Variants in DVL3 observed in about 807,000 individuals in gnomAD.
DVL3 encodes the protein dishevelled segment polarity protein 3.
In DVL3, 27 loss-of-function variants were observed where a neutral mutation model predicts 67.4. The observed-to-expected ratio is 0.40, with a 90% CI of 0.30 to 0.55. DVL3 has a LOEUF of 0.55. Among genes scored for constraint, DVL3 ranks in the 20% least tolerant of loss-of-function variants. The pLI, the probability that DVL3 is intolerant of heterozygous loss-of-function variation, is 0.46. For synonymous variants in DVL3, 369 were observed against 396.8 expected (o/e 0.93, Z 0.83); for missense variants, 819 against 1,021.5 (o/e 0.80, Z 2.70).
At position 184,163,946 on chromosome 3, in the gene DVL3, A is replaced by C. The variant is rs1714470191; in HGVS notation, c.231+220A>C. ...AGGGAGAGACGGAAACACACAGTGGAGACAGTAACGTTTCCTATGCCGTTC... is the reference window on the plus strand; with the variant it reads ...AGGGAGAGACGGAAACACACAGTGGCGACAGTAACGTTTCCTATGCCGTTC... On this transcript the variant is annotated intron_variant, in intron 2 of 14. Transcript: ENST00000313143. The surrounding 1 kb of genome is among the most constrained non-coding windows in gnomAD (Gnocchi z 4.5). Among the ~76,000 whole-genome samples, 1 of 152,158 alleles carries C rather than the reference A, an allele frequency of 6.6e-6. No individual in the cohort carries two copies. Among genetic ancestry groups the C allele is most frequent in the African/African-American group, 2.4e-5 (1 of 41,420 alleles).
At position 184,165,344 on chromosome 3, in the gene DVL3, A is replaced by G; in HGVS notation, c.694-78A>G. 6.4e-7 allele frequency: 1 copy of G among 1,554,578 alleles called. No homozygotes were observed. Among genetic ancestry groups the G allele is most frequent in the Non-Finnish European group, 8.8e-7 (1 of 1,130,764 alleles). On this transcript the variant is annotated intron_variant, in intron 6 of 14. Coordinates refer to ENST00000313143, the MANE Select transcript of DVL3 (RefSeq NM_004423.4). The surrounding 1 kb of genome is among the most constrained non-coding windows in gnomAD (Gnocchi z 4.1). ...CTTGGGGCTGGGGGCTGCACCGGGGACTCACCTTGAGGAGGAGTCAGGTGG... is the reference window on the plus strand; with the variant it reads ...CTTGGGGCTGGGGGCTGCACCGGGGGCTCACCTTGAGGAGGAGTCAGGTGG...
chr3:184,166,775 G>A lies in DVL3; in HGVS notation c.1049-51G>A, dbSNP rs1038302959. ...AGAACCCCCATATCTATCCTGTTGG[G>A]CCCAGCAGTGGGTGGGGTGGGTAGC... On this transcript the variant is annotated intron_variant, in intron 10 of 14. Transcript: ENST00000313143. This position sits in a 1 kb window ranked among gnomAD's most constrained non-coding sequence, Gnocchi z 6.7. The A allele has an allele frequency of 3.1e-6, 5 of 1,613,452 alleles. No individual in the cohort carries two copies. In the Admixed American group the frequency reaches 6.7e-5, roughly 22 times the overall value.
chr3:184,170,296 C>G lies in DVL3; in HGVS notation c.1715-23C>G, dbSNP rs746794439. 1 of 1,592,212 alleles carries G rather than the reference C, an allele frequency of 6.3e-7. No homozygotes were observed. Among genetic ancestry groups the G allele is most frequent in the South Asian group, 1.1e-5 (1 of 88,730 alleles). On this transcript the variant is annotated intron_variant, in intron 14 of 14. Coordinates refer to ENST00000313143, the MANE Select transcript of DVL3 (RefSeq NM_004423.4). The surrounding 1 kb of genome is among the most constrained non-coding windows in gnomAD (Gnocchi z 6.5). ...CCCCGCCCGCTCAGCCTGCCCCACC[C>G]CGGCCCTGTTTGCCTCCTACAGGCA...
In DVL3 at chr3:184,170,116, C is replaced by G; in HGVS notation, c.1609C>G (p.Pro537Ala). 1 of 1,613,972 alleles carries G rather than the reference C, an allele frequency of 6.2e-7. No homozygotes were observed. The highest frequency in any genetic ancestry group is 8.5e-7 in the Non-Finnish European group (1 of 1,180,004). ...GGCCGCCCCTTGGCCCATGGCTTTCCCGTACCAGTACCCGCCACCCCCGCA... is the reference window on the plus strand; with the variant it reads ...GGCCGCCCCTTGGCCCATGGCTTTCGCGTACCAGTACCCGCCACCCCCGCA... ...PGAAPWPMAF[P>A]YQYPPPPHPY... Residue 537 changes from proline to alanine, a missense_variant, in exon 14 of 15, where the codon CCG (proline) becomes GCG (alanine). By Grantham distance (27) the Pro-to-Ala change is conservative (BLOSUM62 -1). Transcript: ENST00000313143. The surrounding 1 kb of genome is among the most constrained non-coding windows in gnomAD (Gnocchi z 6.5).
At chr3:184,161,617 T>G (rs1001880771) in intron 1 of DVL3, among the ~76,000 whole-genome samples, 1 of 152,124 alleles carries the variant, frequency 6.6e-6, no homozygotes, top group Admixed American at 6.5e-5. Context: ...AGCCCCAAAC[T>G]GTAGTTACTG....
At position 184,173,291 on chromosome 3, in the gene DVL3, C is replaced by T. The variant is rs1409544588; in HGVS notation, c.*2536C>T. The T allele has an allele frequency of 6.6e-6, 1 of 152,222 alleles. No homozygotes were observed. The highest frequency in any genetic ancestry group is 2.4e-5 in the African/African-American group (1 of 41,430). The allele number at this position is 152,222 out of a possible 1,614,324, so 9.4% of individuals were successfully genotyped here. ...TACATTCCTTCTTCCCATATCTTAT[C>T]AGCATATCATATCCATTTCACTCCA... On this transcript the variant is annotated 3_prime_UTR_variant, in exon 15 of 15. Transcript: ENST00000313143.
rs2109016705 is a variant in DVL3 at position 184,155,630 on chromosome 3, A to G, written c.-6A>G. 2.0e-6 allele frequency: 3 copies of G among 1,519,400 alleles called. No homozygotes were observed. The highest frequency in any genetic ancestry group is 1.4e-5 in the African/African-American group (1 of 70,064). The allele number at this position is 1,519,400 out of a possible 1,614,324, so 94.1% of individuals were successfully genotyped here. On this transcript the variant is annotated 5_prime_UTR_variant, in exon 1 of 15. Transcript: ENST00000313143. This position sits in a 1 kb window ranked among gnomAD's most constrained non-coding sequence, Gnocchi z 5.4. ...CGCGCGGGCCGCCGGGCCCGAGGCC[A>G]GAGCCATGGGCGAGACCAAGATCAT...
rs1714442128 is a variant in DVL3 at position 184,163,143 on chromosome 3, C to G, written c.162-514C>G. Among the ~76,000 whole-genome samples the G allele has an allele frequency of 6.6e-6, 1 of 152,150 alleles. No individual in the cohort carries two copies. On this transcript the variant is annotated intron_variant, in intron 1 of 14. Transcript: ENST00000313143. The surrounding 1 kb of genome is among the most constrained non-coding windows in gnomAD (Gnocchi z 4.5). ...CTCAGGGTGATCTGCCTGCCTCAGC[C>G]TCTCAAAGTTCTGGGATTACAGGTG...
At chr3:184,169,276 G>T (rs1714713584) in intron 13 of DVL3, among the ~76,000 whole-genome samples, 1 of 152,252 alleles carries the variant, frequency 6.6e-6, no homozygotes, top group African/African-American at 2.4e-5. Context: ...TGAGCTGAAG[G>T]TAGTGTTCGC....
At position 184,164,750 on chromosome 3, in the gene DVL3, C is replaced by A. The variant is rs765121708; in HGVS notation, c.464-46C>A. The stretch of plus-strand genomic sequence containing the variant: ...GGCTTGCCTCTCTCCCTCCTTCACC[C>A]CTGCACTGGGCACTGTGTAAACCCA... On this transcript the variant is annotated intron_variant, in intron 4 of 14. Coordinates refer to ENST00000313143, the MANE Select transcript of DVL3 (RefSeq NM_004423.4). This position sits in a 1 kb window ranked among gnomAD's most constrained non-coding sequence, Gnocchi z 5.3. The A allele has an allele frequency of 1.2e-6, 2 of 1,613,480 alleles. No individual in the cohort carries two copies. Among genetic ancestry groups the A allele is most frequent in the South Asian group, 1.1e-5 (1 of 90,992 alleles).
At chr3:184,168,665 G>A (rs904882925) in intron 13 of DVL3, among the ~76,000 whole-genome samples, 1 of 152,238 alleles carries the variant, frequency 6.6e-6, no homozygotes, top group East Asian at 1.9e-4. Flanking sequence ...GAAGGCTGGG[G>A]CTGGCTCTTC....
At position 184,166,550 on chromosome 3, in the gene DVL3, G is replaced by A. The variant is rs993246642; in HGVS notation, c.980+28G>A. Reference sequence around the variant, plus strand: ...ATGGATGGAATGGGGCACTGGGCAAGGGGCTTGGTCTGGCCTATACGCATC... The same window carrying A: ...ATGGATGGAATGGGGCACTGGGCAAAGGGCTTGGTCTGGCCTATACGCATC... On this transcript the variant is annotated intron_variant, in intron 9 of 14. Transcript: ENST00000313143. This position sits in a 1 kb window ranked among gnomAD's most constrained non-coding sequence, Gnocchi z 6.7. The A allele has an allele frequency of 1.2e-6, 2 of 1,614,058 alleles. No homozygotes were observed. Among genetic ancestry groups the A allele is most frequent in the African/African-American group, 2.7e-5 (2 of 74,928 alleles).
chr3:184,172,629 G>A lies in DVL3; in HGVS notation c.*1874G>A, dbSNP rs1714884378. 6.6e-6 allele frequency: 1 copy of A among 152,234 alleles called. No homozygotes were observed. Among genetic ancestry groups the A allele is most frequent in the African/African-American group, 2.4e-5 (1 of 41,456 alleles). The allele number at this position is 152,234 out of a possible 1,614,324, so 9.4% of individuals were successfully genotyped here. A position where few individuals can be genotyped will look rare whatever the true frequency, so the allele number is the denominator to read the frequency against. On this transcript the variant is annotated 3_prime_UTR_variant, in exon 15 of 15. Transcript: ENST00000313143. ...CCTGCCTGTAATCTCAGCTACTCAG[G>A]AGGCTGAGGCACAAGAATCGCTTGA...
chr3:184,166,178 T>C lies in DVL3; in HGVS notation c.816T>C (p.Gly272=), dbSNP rs765975448. 2 of 1,613,788 alleles carry C rather than the reference T, an allele frequency of 1.2e-6. No homozygotes were observed. The highest frequency in any genetic ancestry group is 3.3e-5 in the Admixed American group (2 of 59,820). The change falls in exon 8 of 15, where the codon GGT becomes GGC. Residue 272 remains glycine, a synonymous_variant. Coordinates refer to ENST00000313143, the MANE Select transcript of DVL3 (RefSeq NM_004423.4). This position sits in a 1 kb window ranked among gnomAD's most constrained non-coding sequence, Gnocchi z 6.7. ...ISIVGQSNER[G]DGGIYIGSIM... is the part of the protein sequence containing the mutation. ...TTGTGGGCCAAAGCAACGAGCGTGGTGACGGCGGCATCTACATTGGCTCTA... is the reference window on the plus strand; with the variant it reads ...TTGTGGGCCAAAGCAACGAGCGTGGCGACGGCGGCATCTACATTGGCTCTA...
In DVL3 at chr3:184,167,458, G is replaced by T. The variant is rs1177641135; in HGVS notation, c.1199-122G>T. ...ACAGAAGGGGAAACTGAGTGTCCAA[G>T]AAATCAGTAATTTTCCCAGCATTGA... On this transcript the variant is annotated intron_variant, in intron 11 of 14. Coordinates refer to ENST00000313143, the MANE Select transcript of DVL3 (RefSeq NM_004423.4). This position sits in a 1 kb window ranked among gnomAD's most constrained non-coding sequence, Gnocchi z 4.6. The T allele has an allele frequency of 7.4e-6, 7 of 947,856 alleles. No individual in the cohort carries two copies. Among genetic ancestry groups the T allele is most frequent in the Non-Finnish European group, 9.4e-6 (6 of 640,076 alleles). 58.7% of individuals were successfully genotyped at this position (947,856 alleles called of 1,614,324 possible). A position where few individuals can be genotyped will look rare whatever the true frequency, so the allele number is the denominator to read the frequency against.
At chr3:184,169,769 G>T (rs770662670) in intron 13 of DVL3, among the ~76,000 whole-genome samples, 4 of 152,188 alleles carry the variant, frequency 2.6e-5, no homozygotes, top group Non-Finnish European at 4.4e-5. Context: ...GGATTGGGAG[G>T]TACAGCTTTG....
Position 184,167,785 on chromosome 3 carries a change from T to G in DVL3, c.1330+74T>G. The G allele has an allele frequency of 1.3e-6, 2 of 1,591,920 alleles. No individual in the cohort carries two copies. The highest frequency in any genetic ancestry group is 1.7e-6 in the Non-Finnish European group (2 of 1,168,570). On this transcript the variant is annotated intron_variant, in intron 12 of 14. Coordinates refer to ENST00000313143, the MANE Select transcript of DVL3 (RefSeq NM_004423.4). This position sits in a 1 kb window ranked among gnomAD's most constrained non-coding sequence, Gnocchi z 4.6. The stretch of plus-strand genomic sequence containing the variant: ...CAGGGCAGGCCGGAGGGCCCAGGAC[T>G]TGCCTTGGACCCTTCCTTTGATCTG...
Position 184,166,976 on chromosome 3 carries a change from G to A in DVL3, c.1198+1G>A. On this transcript the variant is annotated splice_donor_variant, in intron 11 of 14. Transcript: ENST00000313143. LOFTEE classifies it high-confidence loss of function. This position sits in a 1 kb window ranked among gnomAD's most constrained non-coding sequence, Gnocchi z 6.7. ...ACCAGTTCCATCCCTGACACAGAGC[G>A]TGAGTGTCCCACCCTGTCTCCTGGG... 2 of 1,613,876 alleles carry A rather than the reference G, an allele frequency of 1.2e-6. No individual in the cohort carries two copies. Among genetic ancestry groups the A allele is most frequent in the Non-Finnish European group, 1.7e-6 (2 of 1,179,874 alleles).
chr3:184,165,565 G>C lies in DVL3; in HGVS notation c.763+74G>C. The C allele has an allele frequency of 7.5e-7, 1 of 1,327,936 alleles. No individual in the cohort carries two copies. The highest frequency in any genetic ancestry group is 1.1e-6 in the Non-Finnish European group (1 of 923,616). 82.3% of individuals were successfully genotyped at this position (1,327,936 alleles called of 1,614,324 possible). A position where few individuals can be genotyped will look rare whatever the true frequency, so the allele number is the denominator to read the frequency against. ...CTGGGCAGACTTGAGTTCAGAGAGC[G>C]TAGAATATGTTCCCTGCCCTCAAGG... On this transcript the variant is annotated intron_variant, in intron 7 of 14. Coordinates refer to ENST00000313143, the MANE Select transcript of DVL3 (RefSeq NM_004423.4). This position sits in a 1 kb window ranked among gnomAD's most constrained non-coding sequence, Gnocchi z 4.1.
Sources: gnomAD v4.1 joint callset for allele counts (sites outside exome capture counted in the v4.1 genomes callset) on GRCh38, gnomAD v4.1.1 for gene constraint, Gnocchi (gnomAD v3.1) non-coding constraint, MANE v1.5 for transcripts, NCBI Gene and HGNC (gene_info 2026-07-23, HGNC 2026-07-21) for gene names.